SLIT3: variants seen among roughly 807,000 people sequenced by gnomAD.
SLIT3 encodes slit guidance ligand 3, also known as slit homolog 3 protein.
In SLIT3, 68 loss-of-function variants were observed where a neutral mutation model predicts 184.0. That is an observed-to-expected ratio of 0.37 (90% CI 0.30 to 0.45). The LOEUF (loss-of-function observed/expected upper bound fraction) is 0.45. Ranked by LOEUF, SLIT3 falls within the 20% of genes least tolerant of loss-of-function variation. The pLI is 1.00. For synonymous variants in SLIT3, 831 were observed against 828.6 expected (o/e 1.00, Z -0.05); for missense variants, 1,707 against 2,026.0 (o/e 0.84, Z 3.02).
intron 4 of SLIT3, among the ~76,000 whole-genome samples, chr5:168,943,014 AC>A (rs1762373603): frequency 6.6e-6 from 1 of 152,170 alleles, no homozygotes; most frequent in Non-Finnish European, 1.5e-5. Context: ...TTTAATTCTT[AC>A]CAGTTCACCT....
At chr5:168,723,411 TCAAA>T (rs905219169) in intron 21 of SLIT3, among the ~76,000 whole-genome samples, 1 of 152,114 alleles carries the variant, frequency 6.6e-6, no homozygotes, top group African/African-American at 2.4e-5. Context: ...CATTTTCAAT[TCAAA>T]CACTTATTCA....
At chr5:168,924,941 G>C (rs771866625) in intron 4 of SLIT3, among the ~76,000 whole-genome samples, 15 of 152,174 alleles carry the variant, frequency 9.9e-5, no homozygotes, top group Non-Finnish European at 1.9e-4. Flanking sequence ...CCCATCATAA[G>C]GTAAGCAGTT....
chr5:168,929,912 G>T (rs560856951), intron 4 of SLIT3, among the ~76,000 whole-genome samples: 2 of 152,318 alleles, frequency 1.3e-5, no homozygotes, highest in South Asian at 2.1e-4. Flanking sequence ...TATTCTGTGG[G>T]GTGTCCTTCC....
chr5:169,019,290 G>A (rs978590565), intron 4 of SLIT3, among the ~76,000 whole-genome samples: 1 of 152,212 alleles, frequency 6.6e-6, no homozygotes, highest in Non-Finnish European at 1.5e-5. Context: ...AAGCCAAACT[G>A]CCTTCCGGGT....
intron 4 of SLIT3, among the ~76,000 whole-genome samples, chr5:169,077,232 T>G (rs1758780120): frequency 6.6e-6 from 1 of 152,184 alleles, no homozygotes. Flanking sequence ...TTTTCTCTAG[T>G]TTATTGTAAG....
intron 5 of SLIT3, among the ~76,000 whole-genome samples, chr5:168,871,521 C>T (rs530450007): frequency 6.6e-6 from 1 of 152,016 alleles, no homozygotes; most frequent in African/African-American, 2.4e-5. Context: ...TTATACCTAG[C>T]CCATTAGAAG....
chr5:169,115,584 G>C (rs1760633618), intron 4 of SLIT3, among the ~76,000 whole-genome samples: 1 of 152,180 alleles, frequency 6.6e-6, no homozygotes. Context: ...GCAATGTCCA[G>C]CCCCTCAGAA....
intron 13 of SLIT3, 63 bp downstream of exon 13, chr5:168,774,172 T>A: frequency 6.6e-7 from 1 of 1,507,750 alleles, no homozygotes; most frequent in Non-Finnish European, 9.0e-7. Flanking sequence ...GTGTTTTTCA[T>A]GATGGGCATT....
intron 4 of SLIT3, among the ~76,000 whole-genome samples, chr5:169,164,601 G>A (rs1762576899): frequency 6.6e-6 from 1 of 152,066 alleles, no homozygotes; most frequent in Admixed American, 6.5e-5. Context: ...CCTCATCCTG[G>A]GCCTTCCCCG....
chr5:168,804,310 CAAAAAAAAAAAAA>C (rs770650322), intron 9 of SLIT3, among the ~76,000 whole-genome samples: 18 of 52,358 alleles, frequency 3.4e-4, no homozygotes, highest in African/African-American at 1.4e-3. Context: ...AACTCTTTCT[CAAAAAAAAAAAAA>C]AAAAAAAAAA....
At chr5:168,700,758 C>T (rs1554133361) in intron 26 of SLIT3, 79 bp from the exon 27 acceptor site, 1 of 1,045,044 alleles carries the variant, frequency 9.6e-7, no homozygotes. Flanking sequence ...CCAGGGGTTC[C>T]AGCATTCTCT....
intron 29 of SLIT3, among the ~76,000 whole-genome samples, chr5:168,687,792 G>A (rs368399742): frequency 4.6e-5 from 7 of 152,182 alleles, no homozygotes; most frequent in Non-Finnish European, 8.8e-5. Flanking sequence ...AGAGGAATAC[G>A]ATACTGTTTG....
chr5:169,019,251 C>T (rs1756507539), intron 4 of SLIT3, among the ~76,000 whole-genome samples: 2 of 152,166 alleles, frequency 1.3e-5, no homozygotes, highest in South Asian at 2.1e-4. Flanking sequence ...TTTGCAGAGG[C>T]GGGAAGCAAG....
chr5:169,026,607 AAAC>A (rs1756834781), intron 4 of SLIT3: 1 of 152,230 alleles, frequency 6.6e-6, no homozygotes, highest in Non-Finnish European at 1.5e-5. Context: ...TCAGCCTACA[AAAC>A]AACATGCATA....
intron 5 of SLIT3, among the ~76,000 whole-genome samples, chr5:168,857,913 C>T (rs2113741807): frequency 6.6e-6 from 1 of 152,348 alleles, no homozygotes; most frequent in East Asian, 1.9e-4. Context: ...ACAAGACTGG[C>T]TCTCCAGCTT....
chr5:169,282,105 T>C (rs923542384), intron 1 of SLIT3, among the ~76,000 whole-genome samples: 1 of 152,220 alleles, frequency 6.6e-6, no homozygotes, highest in African/African-American at 2.4e-5. Context: ...AAGAACTTTT[T>C]GAAGATAGAG....
At chr5:168,996,567 C>T (rs978790571) in intron 4 of SLIT3, among the ~76,000 whole-genome samples, 29 of 152,326 alleles carry the variant, frequency 1.9e-4, no homozygotes, top group African/African-American at 3.4e-4. Flanking sequence ...TCAAGCGCTT[C>T]GTGATGCCAC....
chr5:168,749,752 G>A (rs553175518), intron 18 of SLIT3, 117 bp from the exon 19 acceptor site: 60 of 1,039,088 alleles, frequency 5.8e-5, no homozygotes, highest in South Asian at 4.6e-4. Flanking sequence ...GGAAGGAAAC[G>A]TAGGCTCTTC....
At chr5:169,157,302 A>G (rs940891382) in intron 4 of SLIT3, among the ~76,000 whole-genome samples, 4 of 152,194 alleles carry the variant, frequency 2.6e-5, no homozygotes, top group African/African-American at 9.7e-5. Context: ...GAATGTCAGT[A>G]CTTTCACCAG....
Sources: allele counts gnomAD v4.1 joint callset (sites outside exome capture counted in the v4.1 genomes callset), GRCh38; gene constraint gnomAD v4.1.1; transcripts MANE v1.5; gene names NCBI Gene and HGNC (gene_info 2026-07-23, HGNC 2026-07-21).